Variants in C14orf39 observed in about 807,000 individuals in gnomAD.
C14orf39 encodes the protein chromosome 14 open reading frame 39.
C14orf39 carries 66 observed loss-of-function variants against 85.6 expected under a neutral mutation model. That is an observed-to-expected ratio of 0.77 (90% CI 0.63 to 0.95). The LOEUF (loss-of-function observed/expected upper bound fraction) is 0.95. Ranked by LOEUF, C14orf39 falls within the 40% of genes least tolerant of loss-of-function variation. The probability of loss-of-function intolerance (pLI) is 0.00; values close to 1 mark genes in which losing one functional copy is unlikely to be tolerated. For synonymous variants in C14orf39, 242 were observed against 214.0 expected, an observed-to-expected ratio of 1.13 and a Z score of -1.14; for missense variants, 735 against 663.9, an observed-to-expected ratio of 1.11 and a Z score of -1.18.
upstream of C14orf39, chr14:60,486,124 G>A (rs1595490481): frequency 6.6e-6 from 1 of 151,236 alleles, no homozygotes; most frequent in South Asian, 2.1e-4. Context: ...AGCACGCCGC[G>A]GGAGCCGCAG....
At chr14:60,446,204 A>C (rs1286721023) in intron 16 of C14orf39, among the ~76,000 whole-genome samples, 1 of 152,222 alleles carries the variant, frequency 6.6e-6, no homozygotes, top group Non-Finnish European at 1.5e-5. Flanking sequence ...GCAAGAAATA[A>C]CTAAGATCAG....
At chr14:60,507,389 G>A (rs1431092978) in intron 1 of C14orf39, among the ~76,000 whole-genome samples, 2 of 152,088 alleles carry the variant, frequency 1.3e-5, no homozygotes, top group Non-Finnish European at 2.9e-5. Context: ...TTGTCCTTCC[G>A]GCTGATTCGG....
At chr14:60,494,868 G>A (rs1208265796) in intron 2 of C14orf39, 1 of 153,534 alleles carries the variant, frequency 6.5e-6, no homozygotes, top group African/African-American at 2.4e-5. Flanking sequence ...GAGCATCTTG[G>A]CAGCTGACCT....
chr14:60,509,561 C>T (rs1280231718), intron 1 of C14orf39: 5 of 1,611,962 alleles, frequency 3.1e-6, no homozygotes, highest in Non-Finnish European at 4.2e-6. Context: ...GTCGGTGCTA[C>T]GCGCACGAGC....
chr14:60,501,853 A>G (rs1893154317), intron 1 of C14orf39, among the ~76,000 whole-genome samples: 1 of 152,230 alleles, frequency 6.6e-6, no homozygotes, highest in African/African-American at 2.4e-5. Flanking sequence ...TAATTGATAT[A>G]TTAAGTGGAT....
intron 12 of C14orf39, 34 bp downstream of exon 12, chr14:60,461,474 G>A (rs1433257333): frequency 1.9e-6 from 3 of 1,568,026 alleles, no homozygotes; most frequent in Non-Finnish European, 2.6e-6. Context: ...AATTATTTCA[G>A]AGATTAAAGC....
At chr14:60,470,377 C>T (rs527748932) in intron 7 of C14orf39, among the ~76,000 whole-genome samples, 1 of 151,908 alleles carries the variant, frequency 6.6e-6, no homozygotes, top group Non-Finnish European at 1.5e-5. Flanking sequence ...CTTTCCTATT[C>T]TGCCTTAAAA....
In C14orf39 at chr14:60,454,444, A is replaced by G. The variant is rs149738567; in HGVS notation, c.1503+557T>C. Among the ~76,000 whole-genome samples the G allele has an allele frequency of 3.5e-3, 535 of 152,046 alleles. 4 individuals carry two copies. The highest frequency in any genetic ancestry group is 0.012 in the African/African-American group (493 of 41,560). ...ACCCAAAATCCCACATCTGGTACAC[A>G]CCTAAGTAGTCTGGCTTCAGAGTCT... On this transcript the variant is annotated intron_variant, in intron 16 of 17. Coordinates refer to ENST00000321731, the MANE Select transcript of C14orf39 (RefSeq NM_174978.3).
At chr14:60,445,331 C>T (rs1216101459) in intron 16 of C14orf39, among the ~76,000 whole-genome samples, 2 of 152,084 alleles carry the variant, frequency 1.3e-5, no homozygotes, top group Non-Finnish European at 2.9e-5. Flanking sequence ...ATCTTACATG[C>T]AGAGACACAC....
At chr14:60,444,936 T>A (rs571368006) in intron 16 of C14orf39, among the ~76,000 whole-genome samples, 10 of 152,174 alleles carry the variant, frequency 6.6e-5, no homozygotes, top group Non-Finnish European at 1.3e-4. Context: ...GAAAAGAATT[T>A]TCAAGCCAGA....
chr14:60,507,161 G>A (rs1198834577), intron 1 of C14orf39, among the ~76,000 whole-genome samples: 3 of 152,096 alleles, frequency 2.0e-5, no homozygotes, highest in Non-Finnish European at 2.9e-5. Flanking sequence ...AATTTCGCGA[G>A]CAATAGCCGG....
upstream of C14orf39, among the ~76,000 whole-genome samples, chr14:60,490,650 TTTAAAAATG>T (rs1892976504): frequency 6.6e-6 from 1 of 151,810 alleles, no homozygotes; most frequent in Non-Finnish European, 1.5e-5. Flanking sequence ...AGTAAAAAAT[TTTAAAAATG>T]TTACTGTGTA....
In C14orf39 at chr14:60,509,782, C is replaced by A. The variant is rs768469549; in HGVS notation, c.-144+5613G>T. 4 of 1,612,972 alleles carry A rather than the reference C, an allele frequency of 2.5e-6. No homozygotes were observed. The Admixed American group carries it at 5.0e-5, about 20-fold the overall frequency. ...CGCTGCCGCGCACCATTTGGGACGG[C>A]GAACAGAAGACACACTGCTTCAAGG... On this transcript the variant is annotated intron_variant, in intron 1 of 5. Coordinates refer to the C14orf39 transcript ENST00000556799.
chr14:60,502,663 C>A (rs776849846), intron 1 of C14orf39, among the ~76,000 whole-genome samples: 17 of 152,198 alleles, frequency 1.1e-4, no homozygotes, highest in Non-Finnish European at 2.5e-4. Flanking sequence ...AATATGCACT[C>A]ATTTCTCTGT....
At chr14:60,441,526 T>C (rs1447222870) in intron 17 of C14orf39, among the ~76,000 whole-genome samples, 2 of 152,238 alleles carry the variant, frequency 1.3e-5, no homozygotes, top group African/African-American at 4.8e-5. Flanking sequence ...TAGTGTACTA[T>C]CTGATAAATT....
chr14:60,468,579 A>G, intron 8 of C14orf39, 43 bp from the exon 9 acceptor site: 2 of 1,146,582 alleles, frequency 1.7e-6, no homozygotes, highest in Non-Finnish European at 2.5e-6. Flanking sequence ...AATTACTTGC[A>G]AAGCAGTAAA....
At chr14:60,437,968 A>G (rs1456011439) in intron 17 of C14orf39, among the ~76,000 whole-genome samples, 1 of 151,636 alleles carries the variant, frequency 6.6e-6, no homozygotes, top group African/African-American at 2.4e-5. Context: ...ATATACAAAT[A>G]TATTTTCAAC....
upstream of C14orf39, among the ~76,000 whole-genome samples, chr14:60,487,155 G>T (rs1892910289): frequency 1.3e-5 from 2 of 152,160 alleles, no homozygotes; most frequent in South Asian, 4.1e-4. Flanking sequence ...CTCTTAGCAA[G>T]TTTCAAGGAC....
At chr14:60,469,456 T>C (rs1046415923) in intron 8 of C14orf39, 77 bp downstream of exon 8, 35 of 567,352 alleles carry the variant, frequency 6.2e-5, no homozygotes, top group Non-Finnish European at 8.8e-5. Flanking sequence ...AAAATAGCTC[T>C]TCTAAAACTG....
Sources: gnomAD v4.1 joint callset for allele counts (sites outside exome capture counted in the v4.1 genomes callset) on GRCh38, gnomAD v4.1.1 for gene constraint, MANE v1.5 for transcripts, NCBI Gene and HGNC (gene_info 2026-07-23, HGNC 2026-07-21) for gene names.